Variants in CNTN4 observed in about 807,000 individuals in gnomAD.
CNTN4 encodes contactin-4.
In CNTN4, 77 loss-of-function variants were observed where a neutral mutation model predicts 122.5. That is an observed-to-expected ratio of 0.63 (90% confidence interval 0.52 to 0.76). The LOEUF (loss-of-function observed/expected upper bound fraction) is 0.76. Ranked by LOEUF, CNTN4 falls within the 30% of genes least tolerant of loss-of-function variation. The probability of loss-of-function intolerance (pLI) is 0.00; values close to 1 mark genes in which losing one functional copy is unlikely to be tolerated. For missense variants in CNTN4, 1,256 were observed against 1,259.1 expected (o/e 1.00, Z 0.04); for synonymous variants, 512 against 447.0 (o/e 1.15, Z -1.83).
At chr3:2,236,575 G>A (rs1012521082) in intron 2 of CNTN4, among the ~76,000 whole-genome samples, 7 of 152,074 alleles carry the variant, frequency 4.6e-5, no homozygotes, top group African/African-American at 1.7e-4. Flanking sequence ...TTAAAAGGTC[G>A]TTATTGAACC....
At chr3:2,983,278 G>C (rs1465834163) in intron 13 of CNTN4, among the ~76,000 whole-genome samples, 1 of 130,826 alleles carries the variant, frequency 7.6e-6, no homozygotes, top group Non-Finnish European at 1.6e-5. Context: ...ATATATAGGA[G>C]GTATTTAGTA....
chr3:2,473,256 C>G (rs954848300), intron 3 of CNTN4, among the ~76,000 whole-genome samples: 1 of 150,284 alleles, frequency 6.7e-6, no homozygotes, highest in African/African-American at 2.4e-5. Context: ...AAAAAAACAC[C>G]TGCCAGCATT....
intron 3 of CNTN4, among the ~76,000 whole-genome samples, chr3:2,491,259 A>G (rs909532349): frequency 2.6e-5 from 4 of 152,320 alleles, no homozygotes; most frequent in Non-Finnish European, 5.9e-5. Context: ...ATGATTATCA[A>G]TAGAAATAAA....
chr3:2,617,342 C>G (rs867614029), intron 4 of CNTN4, among the ~76,000 whole-genome samples: 6 of 151,330 alleles, frequency 4.0e-5, no homozygotes, highest in African/African-American at 1.5e-4. Flanking sequence ...TGAACAGACA[C>G]TTCTCAAAAG....
At chr3:2,223,957 G>A (rs541234361) in intron 2 of CNTN4, among the ~76,000 whole-genome samples, 1 of 152,232 alleles carries the variant, frequency 6.6e-6, no homozygotes, top group East Asian at 1.9e-4. Flanking sequence ...GGGGCTTCTT[G>A]GGGGGCAGGT....
intron 3 of CNTN4, among the ~76,000 whole-genome samples, chr3:2,440,044 C>T (rs1001522604): frequency 6.6e-6 from 1 of 152,188 alleles, no homozygotes. Context: ...AGAAGTGTTA[C>T]AAACCTGAAG....
intron 2 of CNTN4, among the ~76,000 whole-genome samples, chr3:2,305,908 TTC>T (rs2042686146): frequency 6.6e-6 from 1 of 152,210 alleles, no homozygotes; most frequent in South Asian, 2.1e-4. Flanking sequence ...TGTGTCTGAC[TTC>T]TTTCAGTTAG....
intron 4 of CNTN4, among the ~76,000 whole-genome samples, chr3:2,695,788 G>A (rs2085996371): frequency 6.6e-6 from 1 of 152,170 alleles, no homozygotes. Flanking sequence ...TCCAATCTGG[G>A]TTTTAGGGAA....
chr3:2,443,365 G>T (rs893940741), intron 3 of CNTN4, among the ~76,000 whole-genome samples: 1 of 152,094 alleles, frequency 6.6e-6, no homozygotes, highest in African/African-American at 2.4e-5. Context: ...GTCAGCCAGG[G>T]CCACTAGTTT....
At chr3:2,340,710 T>TATATATATATATATAGAGAG in intron 3 of CNTN4, among the ~76,000 whole-genome samples, 5 of 18,304 alleles carry the variant, frequency 2.7e-4, no homozygotes, top group Admixed American at 1.2e-3. Flanking sequence ...TATATATATA[T>TATATATATATATATAGAGAG]AGAGAGAGAG....
chr3:2,658,971 C>CACACACACACACAG (rs1340686748), intron 4 of CNTN4, among the ~76,000 whole-genome samples: 3 of 65,796 alleles, frequency 4.6e-5, no homozygotes, highest in African/African-American at 7.0e-5. Context: ...AACAGACACA[C>CACACACACACACAG]ACACACACAC....
In CNTN4 at chr3:2,781,873, C is replaced by CT. The variant is rs201080754; in HGVS notation, c.358+36176_358+36177insT. On this transcript the variant is annotated intron_variant, in intron 6 of 24. Transcript: ENST00000418658. ...CCGAGTAGCTGGGACTGCAGGCGCC[C>CT]GCACCACGCCCGGCTAATTTTTTGT... Among the ~76,000 whole-genome samples, 15 of 42,994 alleles carry CT rather than the reference C, an allele frequency of 3.5e-4. 1 individual carries two copies. The highest frequency in any genetic ancestry group is 1.9e-3 in the East Asian group (1 of 520). 28.2% of individuals were successfully genotyped at this position (42,994 alleles called of 152,430 possible). A position where few individuals can be genotyped will look rare whatever the true frequency, so the allele number is the denominator to read the frequency against.
chr3:2,891,866 G>A (rs112961318), intron 10 of CNTN4, among the ~76,000 whole-genome samples: 173 of 152,264 alleles, frequency 1.1e-3, no homozygotes, highest in African/African-American at 3.9e-3. Context: ...TGAAAAGACC[G>A]CTCAGGTTGT....
In CNTN4 at chr3:3,042,208, C is replaced by T. The variant is rs552587995; in HGVS notation, c.2399-102C>T. The stretch of plus-strand genomic sequence containing the variant: ...GGGTTTGGCTTACAATCATTAAGGA[C>T]GATTCTATAACCATGAATTATTTTA... On this transcript the variant is annotated intron_variant, in intron 20 of 24. Coordinates refer to ENST00000418658, the MANE Select transcript of CNTN4 (RefSeq NM_175607.3). 67 of 882,118 alleles carry T rather than the reference C, an allele frequency of 7.6e-5. No homozygotes were observed. The African/African-American group carries it at 8.5e-4, about 11-fold the overall frequency. 54.6% of individuals were successfully genotyped at this position (882,118 alleles called of 1,614,324 possible). A position where few individuals can be genotyped will look rare whatever the true frequency, so the allele number is the denominator to read the frequency against.
At chr3:2,408,394 G>A (rs1021518871) in intron 3 of CNTN4, among the ~76,000 whole-genome samples, 1 of 152,096 alleles carries the variant, frequency 6.6e-6, no homozygotes, top group African/African-American at 2.4e-5. Context: ...TAAATATTAG[G>A]AAAATGTACT....
chr3:2,427,681 C>T (rs2151167392), intron 3 of CNTN4, among the ~76,000 whole-genome samples: 1 of 150,304 alleles, frequency 6.7e-6, no homozygotes, highest in Middle Eastern at 3.4e-3. Flanking sequence ...GTGTTAAAGT[C>T]TCCCATTATT....
intron 4 of CNTN4, among the ~76,000 whole-genome samples, chr3:2,672,016 C>T (rs539815597): frequency 1.7e-4 from 26 of 152,336 alleles, no homozygotes; most frequent in African/African-American, 5.5e-4. Flanking sequence ...AGGTGTCAGT[C>T]TGCCCCTACT....
At chr3:2,734,281 G>A (rs1379431882) in intron 4 of CNTN4, among the ~76,000 whole-genome samples, 2 of 151,854 alleles carry the variant, frequency 1.3e-5, no homozygotes, top group East Asian at 1.9e-4. Flanking sequence ...GGTTTGTCTT[G>A]AACCCCTGGG....
chr3:2,180,617 G>C (rs17009111), intron 2 of CNTN4, among the ~76,000 whole-genome samples: 26 of 151,750 alleles, frequency 1.7e-4, no homozygotes, highest in Non-Finnish European at 2.9e-4. Flanking sequence ...ATGTTTCCCA[G>C]TCCAGTTTCT....
Sources: allele counts gnomAD v4.1 joint callset (sites outside exome capture counted in the v4.1 genomes callset), GRCh38; gene constraint gnomAD v4.1.1; transcripts MANE v1.5; gene names NCBI Gene and HGNC (gene_info 2026-07-23, HGNC 2026-07-21).